Variants in CNTN4 observed in about 807,000 individuals in gnomAD.
CNTN4 encodes the protein contactin 4.
CNTN4 carries 77 observed loss-of-function variants against 122.5 expected under a neutral mutation model. The ratio of observed to expected loss-of-function variants is 0.63; its 90% CI spans 0.52 to 0.76. CNTN4 has a LOEUF of 0.76. Among genes scored for constraint, CNTN4 ranks in the 30% least tolerant of loss-of-function variants. The pLI, the probability that CNTN4 is intolerant of heterozygous loss-of-function variation, is 0.00. For missense variants in CNTN4, 1,256 were observed against 1,259.1 expected, an observed-to-expected ratio of 1.00 and a Z score of 0.04; for synonymous variants, 512 against 447.0, an observed-to-expected ratio of 1.15 and a Z score of -1.83.
chr3:2,357,633 C>T (rs936080083), intron 3 of CNTN4, among the ~76,000 whole-genome samples: 1 of 152,170 alleles, frequency 6.6e-6, no homozygotes, highest in African/African-American at 2.4e-5. Context: ...AGTATATTTT[C>T]AGCAACAAGA....
In CNTN4 at chr3:2,930,709, C is replaced by T. The variant is rs573919898; in HGVS notation, c.1358+4930C>T. Among the ~76,000 whole-genome samples, 6 of 152,270 alleles carry T rather than the reference C, an allele frequency of 3.9e-5. No individual in the cohort carries two copies. The East Asian group carries it at 9.7e-4, about 24-fold the overall frequency. ...TGTCGCAGGCTTGGGTTTAGAACAGCAGCATGACTCTGTTTTGTGAATCTA... is the reference window on the plus strand; with the variant it reads ...TGTCGCAGGCTTGGGTTTAGAACAGTAGCATGACTCTGTTTTGTGAATCTA... On this transcript the variant is annotated intron_variant, in intron 13 of 24. Coordinates refer to ENST00000418658, the MANE Select transcript of CNTN4 (RefSeq NM_175607.3).
intron 2 of CNTN4, among the ~76,000 whole-genome samples, chr3:2,133,541 A>C (rs1387634052): frequency 2.0e-5 from 3 of 152,178 alleles, no homozygotes; most frequent in Middle Eastern, 6.3e-3. Flanking sequence ...AGCTTTTTGA[A>C]AGCTTTTCTT....
chr3:2,395,146 T>C (rs1004172612), intron 3 of CNTN4, among the ~76,000 whole-genome samples: 7 of 152,150 alleles, frequency 4.6e-5, no homozygotes, highest in African/African-American at 1.7e-4. Context: ...TGTTCATCAG[T>C]AGGAGAATAC....
At chr3:2,518,670 A>G (rs1215475140) in intron 3 of CNTN4, among the ~76,000 whole-genome samples, 1 of 152,154 alleles carries the variant, frequency 6.6e-6, no homozygotes, top group African/African-American at 2.4e-5. Context: ...TAAAACATAT[A>G]GTTTTACAGA....
chr3:2,495,184 C>G (rs2076421694), intron 3 of CNTN4, among the ~76,000 whole-genome samples: 2 of 152,186 alleles, frequency 1.3e-5, no homozygotes. Flanking sequence ...TCTAAAATGA[C>G]AGGCCTTCAA....
chr3:2,972,003 G>T (rs1692974329), intron 13 of CNTN4, among the ~76,000 whole-genome samples: 1 of 152,096 alleles, frequency 6.6e-6, no homozygotes, highest in Admixed American at 6.5e-5. Context: ...AAACCTGAAT[G>T]CTTATATAAA....
chr3:2,893,873 G>A (rs896521676), intron 10 of CNTN4, among the ~76,000 whole-genome samples: 4 of 152,052 alleles, frequency 2.6e-5, no homozygotes, highest in African/African-American at 9.7e-5. Flanking sequence ...CAAACTGTTG[G>A]TTTAAGGACT....
chr3:2,214,136 C>T (rs1379979207), intron 2 of CNTN4, among the ~76,000 whole-genome samples: 1 of 152,094 alleles, frequency 6.6e-6, no homozygotes, highest in Non-Finnish European at 1.5e-5. Context: ...TATATTTGCT[C>T]AAGATTTGCT....
intron 3 of CNTN4, among the ~76,000 whole-genome samples, chr3:2,435,470 C>T (rs2048227883): frequency 6.6e-6 from 1 of 152,036 alleles, no homozygotes; most frequent in African/African-American, 2.4e-5. Context: ...CACAACCATC[C>T]AACTTTTTCC....
At chr3:2,880,737 C>T (rs951066795) in intron 8 of CNTN4, among the ~76,000 whole-genome samples, 8 of 152,122 alleles carry the variant, frequency 5.3e-5, no homozygotes, top group Non-Finnish European at 2.9e-5. Context: ...GAGAGGCCTT[C>T]GTAAGAGATT....
At chr3:2,531,623 G>C (rs1251110442) in intron 3 of CNTN4, among the ~76,000 whole-genome samples, 1 of 152,088 alleles carries the variant, frequency 6.6e-6, no homozygotes, top group Non-Finnish European at 1.5e-5. Flanking sequence ...TTCAGCCATT[G>C]ACCGCCCTTA....
chr3:2,573,823 G>A (rs1405127277), intron 4 of CNTN4, among the ~76,000 whole-genome samples: 4 of 152,172 alleles, frequency 2.6e-5, no homozygotes, highest in Non-Finnish European at 5.9e-5. Flanking sequence ...GCCTTCTTCA[G>A]TGTAGGAAAG....
chr3:2,591,351 A>ATTTTTT (rs2080462911), intron 4 of CNTN4, among the ~76,000 whole-genome samples: 1 of 65,384 alleles, frequency 1.5e-5, no homozygotes, highest in African/African-American at 7.4e-5. Flanking sequence ...TAGATTTGTG[A>ATTTTTT]CTTTTTTTTT....
chr3:2,650,527 C>T (rs544018771), intron 4 of CNTN4, among the ~76,000 whole-genome samples: 12 of 152,296 alleles, frequency 7.9e-5, no homozygotes, highest in Non-Finnish European at 1.5e-4. Flanking sequence ...AAAATCCCAG[C>T]ATTACCTGCT....
At chr3:3,020,191 T>C (rs190681637) in intron 14 of CNTN4, among the ~76,000 whole-genome samples, 55 of 152,190 alleles carry the variant, frequency 3.6e-4, no homozygotes, top group Non-Finnish European at 6.6e-4. Flanking sequence ...AGGCCTTATT[T>C]TCATCAGTCT....
intron 5 of CNTN4, among the ~76,000 whole-genome samples, chr3:2,737,385 A>G (rs1418880299): frequency 6.6e-6 from 1 of 152,142 alleles, no homozygotes; most frequent in Non-Finnish European, 1.5e-5. Flanking sequence ...CCAGCCCGTA[A>G]AGAGCTTTTA....
intron 3 of CNTN4, among the ~76,000 whole-genome samples, chr3:2,353,862 G>A (rs141169059): frequency 0.02 from 3,092 of 152,104 alleles, 101 homozygotes; most frequent in African/African-American, 0.071. Context: ...TGGCGCCACC[G>A]CACTCCAGCC....
chr3:2,150,836 C>G (rs1057084617), intron 2 of CNTN4, among the ~76,000 whole-genome samples: 3 of 152,128 alleles, frequency 2.0e-5, no homozygotes, highest in Non-Finnish European at 4.4e-5. Flanking sequence ...TTTCTTAAAG[C>G]TTGCCCTCCC....
At position 2,752,542 on chromosome 3, in the gene CNTN4, T is replaced by A. The variant is rs531130690; in HGVS notation, c.358+6845T>A. On this transcript the variant is annotated intron_variant, in intron 6 of 24. Coordinates refer to ENST00000418658, the MANE Select transcript of CNTN4 (RefSeq NM_175607.3). Reference sequence around the variant, plus strand: ...CACCACGCCCAGCTAATGTTTCTATTTTTATAGAGACAGGGTTTCACCGGC... The same window carrying A: ...CACCACGCCCAGCTAATGTTTCTATATTTATAGAGACAGGGTTTCACCGGC... Among the ~76,000 whole-genome samples, 5 of 152,206 alleles carry A rather than the reference T, an allele frequency of 3.3e-5. No individual in the cohort carries two copies. In the South Asian group the frequency reaches 1.0e-3, roughly 32 times the overall value.
Sources: allele counts gnomAD v4.1 joint callset (sites outside exome capture counted in the v4.1 genomes callset), GRCh38; gene constraint gnomAD v4.1.1; transcripts MANE v1.5; gene names NCBI Gene and HGNC (gene_info 2026-07-23, HGNC 2026-07-21).